Variants in CNTNAP2 observed in about 807,000 individuals in gnomAD.
CNTNAP2 encodes contactin associated protein 2, also known as contactin-associated protein-like 2.
A neutral mutation model predicts 155.2 loss-of-function variants in CNTNAP2; 98 were observed. That is an observed-to-expected ratio of 0.63 (90% confidence interval 0.54 to 0.75). The LOEUF (loss-of-function observed/expected upper bound fraction) is 0.75, where lower values mean the gene tolerates loss of function less well. Ranked by LOEUF, CNTNAP2 falls within the 30% of genes least tolerant of loss-of-function variation. CNTNAP2 has a pLI of 0.00. For synonymous variants in CNTNAP2, 651 were observed against 631.2 expected (o/e 1.03, Z -0.47); for missense variants, 1,727 against 1,688.1 (o/e 1.02, Z -0.40).
chr7:147,540,756 G>C (rs1799623981), intron 11 of CNTNAP2, among the ~76,000 whole-genome samples: 1 of 151,980 alleles, frequency 6.6e-6, no homozygotes, highest in Non-Finnish European at 1.5e-5. Context: ...GCTTGAACCG[G>C]GGAGTTGGAG....
At chr7:148,050,112 A>T (rs1369797756) in intron 15 of CNTNAP2, among the ~76,000 whole-genome samples, 1 of 152,172 alleles carries the variant, frequency 6.6e-6, no homozygotes, top group Non-Finnish European at 1.5e-5. Context: ...GTAAGCCAAG[A>T]TCGCGCCACT....
chr7:148,050,168 C>T (rs967639571), intron 15 of CNTNAP2, among the ~76,000 whole-genome samples: 5 of 152,206 alleles, frequency 3.3e-5, no homozygotes, highest in South Asian at 2.1e-4. Flanking sequence ...TCAAACAAAC[C>T]GAAACATTAA....
intron 1 of CNTNAP2, among the ~76,000 whole-genome samples, chr7:146,475,546 G>A (rs568895216): frequency 2.0e-5 from 3 of 152,276 alleles, no homozygotes; most frequent in East Asian, 3.9e-4. Flanking sequence ...GAGTGGTTTG[G>A]ACAGGATGGT....
chr7:146,821,543 A>C (rs1315197604), intron 2 of CNTNAP2, among the ~76,000 whole-genome samples: 2 of 152,144 alleles, frequency 1.3e-5, no homozygotes, highest in Non-Finnish European at 1.5e-5. Context: ...CAACCTACGA[A>C]ATGGGAGAAA....
At chr7:146,565,482 A>G (rs1798343726) in intron 1 of CNTNAP2, among the ~76,000 whole-genome samples, 1 of 152,098 alleles carries the variant, frequency 6.6e-6, no homozygotes, top group Admixed American at 6.6e-5. Context: ...ATGAAATAGT[A>G]CCACAGTTTC....
intron 1 of CNTNAP2, among the ~76,000 whole-genome samples, chr7:146,520,692 T>C (rs1797605623): frequency 6.6e-6 from 1 of 151,912 alleles, no homozygotes; most frequent in African/African-American, 2.4e-5. Flanking sequence ...AAAGATATAG[T>C]ACATTACAAA....
chr7:146,252,437 G>A (rs756428192), intron 1 of CNTNAP2, among the ~76,000 whole-genome samples: 42 of 152,052 alleles, frequency 2.8e-4, no homozygotes, highest in Admixed American at 7.9e-4. Context: ...TTATATGACC[G>A]CCCTGACAGA....
At chr7:147,083,550 G>GTGTA (rs1554435219) in intron 4 of CNTNAP2, among the ~76,000 whole-genome samples, 2 of 112,998 alleles carry the variant, frequency 1.8e-5, no homozygotes, top group African/African-American at 7.9e-5. Context: ...ATATATATAT[G>GTGTA]TATATATATA....
At chr7:146,652,909 T>C (rs1799940861) in intron 1 of CNTNAP2, among the ~76,000 whole-genome samples, 1 of 152,160 alleles carries the variant, frequency 6.6e-6, no homozygotes, top group Non-Finnish European at 1.5e-5. Context: ...TGTCACTATC[T>C]TGCTTCCATC....
At chr7:147,006,102 CA>C (rs2129242482) in intron 3 of CNTNAP2, among the ~76,000 whole-genome samples, 1 of 152,076 alleles carries the variant, frequency 6.6e-6, no homozygotes, top group East Asian at 1.9e-4. Flanking sequence ...ACATGCACAC[CA>C]TGCACATGCA....
At chr7:146,333,088 C>T (rs2017528) in intron 1 of CNTNAP2, among the ~76,000 whole-genome samples, 5 of 151,414 alleles carry the variant, frequency 3.3e-5, no homozygotes, top group Admixed American at 6.6e-5. Context: ...GGATTATAGG[C>T]GTGTGCCACT....
intron 1 of CNTNAP2, among the ~76,000 whole-genome samples, chr7:146,676,595 C>T (rs1172193593): frequency 6.6e-6 from 1 of 152,036 alleles, no homozygotes; most frequent in Non-Finnish European, 1.5e-5. Flanking sequence ...AGTCTGTTTT[C>T]ATGCTGCTAA....
chr7:146,436,087 C>T (rs1240175194), intron 1 of CNTNAP2, among the ~76,000 whole-genome samples: 1 of 152,140 alleles, frequency 6.6e-6, no homozygotes, highest in Non-Finnish European at 1.5e-5. Context: ...GGAATGTCTA[C>T]ATTATTCTTA....
chr7:147,373,918 A>G (rs1796391366), intron 9 of CNTNAP2, among the ~76,000 whole-genome samples: 1 of 152,042 alleles, frequency 6.6e-6, no homozygotes, highest in African/African-American at 2.4e-5. Context: ...TATTTTACTT[A>G]TACTTTTGAA....
intron 9 of CNTNAP2, among the ~76,000 whole-genome samples, chr7:147,337,937 C>A (rs1488855930): frequency 1.3e-5 from 2 of 152,098 alleles, no homozygotes; most frequent in African/African-American, 4.8e-5. Flanking sequence ...AGAGAACTGA[C>A]CTTGACCTTG....
At chr7:148,355,198 T>TG in intron 21 of CNTNAP2, among the ~76,000 whole-genome samples, 1 of 132,032 alleles carries the variant, frequency 7.6e-6, no homozygotes, top group Non-Finnish European at 1.6e-5. Context: ...TTTTTTTTTT[T>TG]TGAGACGGAG....
intron 1 of CNTNAP2, among the ~76,000 whole-genome samples, chr7:146,737,537 T>C (rs1048022757): frequency 6.6e-6 from 1 of 152,156 alleles, no homozygotes; most frequent in Non-Finnish European, 1.5e-5. Context: ...TAACGGGTTA[T>C]GCATAAAGTG....
intron 7 of CNTNAP2, among the ~76,000 whole-genome samples, chr7:147,131,044 A>ATATATATGTG (rs1554441742): frequency 0.013 from 1,908 of 143,842 alleles, 50 homozygotes; most frequent in African/African-American, 0.046. Flanking sequence ...ATATATACAC[A>ATATATATGTG]TATATATATG....
intron 1 of CNTNAP2, among the ~76,000 whole-genome samples, chr7:146,690,177 TC>T (rs1161137405): frequency 4.3e-4 from 65 of 152,200 alleles, no homozygotes; most frequent in African/African-American, 1.5e-3. Context: ...ATACCAGTCT[TC>T]CAACAACAGT....
Sources: allele counts gnomAD v4.1 joint callset (sites outside exome capture counted in the v4.1 genomes callset), GRCh38; gene constraint gnomAD v4.1.1; transcripts MANE v1.5; gene names NCBI Gene and HGNC (gene_info 2026-07-23, HGNC 2026-07-21).